STK11: variants seen among roughly 807,000 people sequenced by gnomAD.
STK11 encodes serine/threonine kinase 11, also known as serine/threonine-protein kinase STK11.
Under a neutral mutation model 47.3 loss-of-function variants are expected in STK11, and 8 were observed. The ratio of observed to expected loss-of-function variants is 0.17; its 90% confidence interval spans 0.10 to 0.31. The LOEUF is 0.31. Among genes scored for constraint, STK11 ranks in the 10% least tolerant of loss-of-function variants. STK11 has a pLI of 1.00. For synonymous variants in STK11, 330 were observed against 255.8 expected (o/e 1.29, Z -2.77); for missense variants, 475 against 605.0 (o/e 0.79, Z 2.25).
chr19:1,207,338 G>A lies in STK11; in HGVS notation c.290+135G>A. The A allele has an allele frequency of 2.4e-6, 3 of 1,250,566 alleles. No homozygotes were observed. The South Asian group carries it at 4.6e-5, about 19-fold the overall frequency. 77.5% of individuals were successfully genotyped at this position (1,250,566 alleles called of 1,614,324 possible). A position where few individuals can be genotyped will look rare whatever the true frequency, so the allele number is the denominator to read the frequency against. On this transcript the variant is annotated intron_variant, in intron 1 of 9. Coordinates refer to ENST00000326873, the MANE Select transcript of STK11 (RefSeq NM_000455.5). The stretch of plus-strand genomic sequence containing the variant: ...TGAGCTGGACCCGTCTGGCGCCTGT[G>A]TCCTCCGTGCCAGGGAGAGCGTGGT...
intron 1 of STK11, among the ~76,000 whole-genome samples, chr19:1,212,066 G>A (rs1275491126): frequency 1.3e-5 from 2 of 152,130 alleles, no homozygotes; most frequent in African/African-American, 4.8e-5. Flanking sequence ...CAGAACAGCG[G>A]GGGTAATGGG....
intron 1 of STK11, among the ~76,000 whole-genome samples, chr19:1,216,863 C>T (rs971452532): frequency 2.6e-5 from 4 of 151,410 alleles, no homozygotes; most frequent in African/African-American, 4.9e-5. Context: ...GCATCACACA[C>T]TGTGTGTCCT....
intron 1 of STK11, among the ~76,000 whole-genome samples, chr19:1,210,288 A>T (rs534111235): frequency 6.6e-6 from 1 of 152,288 alleles, no homozygotes; most frequent in African/African-American, 2.4e-5. Flanking sequence ...CGCTGCAGGG[A>T]AAAAGCCTCC....
chr19:1,227,928 CCGG>C lies in STK11; in HGVS notation c.*357_*359del, dbSNP rs1480957733. The C allele has an allele frequency of 4.7e-6, 5 of 1,070,010 alleles. No individual in the cohort carries two copies. The African/African-American group carries it at 6.6e-5, about 14-fold the overall frequency. The allele number at this position is 1,070,010 out of a possible 1,614,324, so 66.3% of individuals were successfully genotyped here. ...TGCTCCGCAGGGCGCCCAGCGCCGT[CCGG>C]CGGCCCCGCCGCAGACCAGCTGGCG... On this transcript the variant is annotated 3_prime_UTR_variant, in exon 10 of 10. Coordinates refer to ENST00000326873, the MANE Select transcript of STK11 (RefSeq NM_000455.5).
chr19:1,217,496 G>A (rs3795062), intron 1 of STK11, among the ~76,000 whole-genome samples: 25,175 of 152,154 alleles, frequency 0.17, 2,609 homozygotes, highest in East Asian at 0.41. Context: ...GCGACAGGGC[G>A]GCAGCTGCAG....
At chr19:1,221,128 C>T (rs2145426368) in intron 5 of STK11, 85 bp from the exon 6 acceptor site, 2 of 1,574,296 alleles carry the variant, frequency 1.3e-6, no homozygotes, top group South Asian at 1.1e-5. Flanking sequence ...CACGGGACGC[C>T]TCTGTCCCTG....
intron 1 of STK11, among the ~76,000 whole-genome samples, chr19:1,216,678 C>G (rs570811709): frequency 9.6e-4 from 145 of 151,790 alleles, no homozygotes; most frequent in African/African-American, 3.3e-3. Context: ...CGAGACCAGC[C>G]TGGGCAGCAC....
chr19:1,212,448 C>T (rs1366724283), intron 1 of STK11, among the ~76,000 whole-genome samples: 2 of 151,988 alleles, frequency 1.3e-5, no homozygotes, highest in Non-Finnish European at 2.9e-5. Flanking sequence ...GATGGGGTTT[C>T]GCCATGTTGT....
At chr19:1,211,222 C>G (rs1044373137) in intron 1 of STK11, among the ~76,000 whole-genome samples, 6 of 152,234 alleles carry the variant, frequency 3.9e-5, no homozygotes, top group African/African-American at 1.4e-4. Context: ...TTGCGGTGAG[C>G]CGAGATCGCA....
intron 4 of STK11, 21 bp downstream of exon 4, chr19:1,220,526 G>A (rs767482086): frequency 6.3e-7 from 1 of 1,587,420 alleles, no homozygotes; most frequent in Non-Finnish European, 8.6e-7. Flanking sequence ...GCTAGGGGGG[G>A]CCCTGGGGCG....
At chr19:1,224,848 C>T (rs1047242502) in intron 8 of STK11, 32 of 985,572 alleles carry the variant, frequency 3.2e-5, no homozygotes, top group Admixed American at 1.8e-4. Context: ...CTCAGGTGGA[C>T]GCCCCTCCCA....
chr19:1,215,180 G>GCGTCAC, intron 1 of STK11, among the ~76,000 whole-genome samples: 1 of 152,178 alleles, frequency 6.6e-6, no homozygotes. Context: ...GCCGAGCCCA[G>GCGTCAC]CCTCACCCTC....
chr19:1,216,105 A>G (rs1197772974), intron 1 of STK11, among the ~76,000 whole-genome samples: 2 of 152,004 alleles, frequency 1.3e-5, no homozygotes, highest in Admixed American at 1.3e-4. Flanking sequence ...AACTATGGAG[A>G]TGGAATTTAC....
At chr19:1,226,016 TGAGCCTGGCCC>T (rs922040765) in intron 8 of STK11, 14 of 1,012,518 alleles carry the variant, frequency 1.4e-5, no homozygotes, top group Middle Eastern at 4.9e-4. Context: ...GTGCCTGGCC[TGAGCCTGGCCC>T]GAGCCTGGCC....
chr19:1,226,329 AC>A, intron 8 of STK11, 124 bp from the exon 9 acceptor site: 1 of 1,492,998 alleles, frequency 6.7e-7, no homozygotes, highest in Non-Finnish European at 9.0e-7. Flanking sequence ...CCTGGGCCTG[AC>A]CCGGGGGCGG....
At chr19:1,207,313 T>G in intron 1 of STK11, 110 bp downstream of exon 1, 1 of 1,401,784 alleles carries the variant, frequency 7.1e-7, no homozygotes, top group Non-Finnish European at 9.6e-7. Flanking sequence ...CTTAACACCC[T>G]GAGCTGGACC....
rs1281710940 is a variant in STK11 at position 1,211,104 on chromosome 19, G to A, written c.290+3901G>A. On this transcript the variant is annotated intron_variant, in intron 1 of 9. Transcript: ENST00000326873. ...AGCCTGGCCAATATGGCGAAACTCC[G>A]TCTCTACTACAAATACAAAAATTAG... Among the ~76,000 whole-genome samples, 6 of 151,870 alleles carry A rather than the reference G, an allele frequency of 4.0e-5. 1 individual carries two copies. The highest frequency in any genetic ancestry group is 1.5e-4 in the African/African-American group (6 of 41,342).
intron 1 of STK11, among the ~76,000 whole-genome samples, chr19:1,214,640 C>T (rs2080733682): frequency 1.3e-5 from 2 of 152,232 alleles, no homozygotes; most frequent in African/African-American, 2.4e-5. Flanking sequence ...CGAGCGGCCC[C>T]CACGAGGCTC....
At chr19:1,223,221 G>A in intron 8 of STK11, 49 bp downstream of exon 8, 8 of 1,574,362 alleles carry the variant, frequency 5.1e-6, no homozygotes, top group Non-Finnish European at 6.9e-6. Flanking sequence ...CGGCCAGGAT[G>A]TCCCACGGGA....
Sources: allele counts gnomAD v4.1 joint callset (sites outside exome capture counted in the v4.1 genomes callset), GRCh38; gene constraint gnomAD v4.1.1; transcripts MANE v1.5; gene names NCBI Gene and HGNC (gene_info 2026-07-23, HGNC 2026-07-21).